FAM133B: variants seen among roughly 807,000 people sequenced by gnomAD.
The protein encoded by FAM133B is protein FAM133B.
A neutral mutation model predicts 46.4 loss-of-function variants in FAM133B; 25 were observed. The observed-to-expected ratio is 0.54, with a 90% CI of 0.39 to 0.75. The LOEUF is 0.75. Among genes scored for constraint, FAM133B ranks in the 30% least tolerant of loss-of-function variants. The pLI, the probability that FAM133B is intolerant of heterozygous loss-of-function variation, is 0.00. For missense variants in FAM133B, 205 were observed against 277.6 expected (o/e 0.74, Z 1.86); for synonymous variants, 75 against 86.0 (o/e 0.87, Z 0.71).
rs781555729 is a variant in FAM133B at position 92,590,309 on chromosome 7, A to C, written c.-18T>G. On this transcript the variant is annotated 5_prime_UTR_variant, in exon 1 of 11. Coordinates refer to ENST00000445716, the MANE Select transcript of FAM133B (RefSeq NM_152789.4). The stretch of plus-strand genomic sequence containing the variant: ...TTCCCCATGGTGCTGGATCGAGCGC[A>C]CAGTAGCACGCCGAGGGAAACCGGG... 1 of 1,613,756 alleles carries C rather than the reference A, an allele frequency of 6.2e-7. No homozygotes were observed. Among genetic ancestry groups the C allele is most frequent in the South Asian group, 1.1e-5 (1 of 91,076 alleles).
At position 92,565,868 on chromosome 7, in the gene FAM133B, T is replaced by C. The variant is rs1027320154; in HGVS notation, c.657+146A>G. On this transcript the variant is annotated intron_variant, in intron 10 of 10. Transcript: ENST00000445716. ...AACCATTTTGACTTTCTCCTACCCATTAAGTGAAGCTGCTGAACACACCAC... is the reference window on the plus strand; with the variant it reads ...AACCATTTTGACTTTCTCCTACCCACTAAGTGAAGCTGCTGAACACACCAC... 41 of 751,250 alleles carry C rather than the reference T, an allele frequency of 5.5e-5. No individual in the cohort carries two copies. In the African/African-American group the frequency reaches 7.1e-4, roughly 13 times the overall value. 46.5% of individuals were successfully genotyped at this position (751,250 alleles called of 1,614,324 possible). A position where few individuals can be genotyped will look rare whatever the true frequency, so the allele number is the denominator to read the frequency against.
At chr7:92,582,903 G>A (rs951445300) in intron 1 of FAM133B, among the ~76,000 whole-genome samples, 3 of 152,164 alleles carry the variant, frequency 2.0e-5, no homozygotes, top group African/African-American at 7.2e-5. Flanking sequence ...AAACGGTGTG[G>A]CCACTGTGGA....
intron 6 of FAM133B, 60 bp downstream of exon 6, chr7:92,577,595 C>T: frequency 7.3e-7 from 1 of 1,379,054 alleles, no homozygotes; most frequent in South Asian, 1.4e-5. Context: ...AATGGGTTTC[C>T]ACTTGACATT....
At position 92,565,262 on chromosome 7, in the gene FAM133B, T is replaced by C. The variant is rs537893804; in HGVS notation, c.657+752A>G. 5.3e-5 allele frequency among the ~76,000 whole-genome samples: 8 copies of C among 151,582 alleles called. No homozygotes were observed. In the South Asian group the frequency reaches 1.5e-3, roughly 28 times the overall value. ...GCTGCCCAGGTTCAAGCAATTCTCCTGCCTCAGCCTCCCGAATAGCTGGAT... is the reference window on the plus strand; with the variant it reads ...GCTGCCCAGGTTCAAGCAATTCTCCCGCCTCAGCCTCCCGAATAGCTGGAT... On this transcript the variant is annotated intron_variant, in intron 10 of 10. Coordinates refer to ENST00000445716, the MANE Select transcript of FAM133B (RefSeq NM_152789.4).
At chr7:92,586,491 A>G (rs1008249030) in intron 1 of FAM133B, among the ~76,000 whole-genome samples, 1 of 152,238 alleles carries the variant, frequency 6.6e-6, no homozygotes, top group African/African-American at 2.4e-5. Flanking sequence ...TTAAGCATTC[A>G]CTAAAATATA....
chr7:92,579,023 G>T, intron 3 of FAM133B: 1 of 277,364 alleles, frequency 3.6e-6, no homozygotes, highest in Non-Finnish European at 6.7e-6. Flanking sequence ...ATTACAAGAT[G>T]ATTCTTCTTC....
chr7:92,587,332 T>C (rs1022169744), intron 1 of FAM133B, among the ~76,000 whole-genome samples: 3 of 152,206 alleles, frequency 2.0e-5, no homozygotes, highest in Non-Finnish European at 2.9e-5. Flanking sequence ...AAATCAAGTG[T>C]TATGGCAAAA....
intron 1 of FAM133B, among the ~76,000 whole-genome samples, chr7:92,588,455 T>C (rs1795095758): frequency 6.6e-6 from 1 of 152,210 alleles, no homozygotes; most frequent in South Asian, 2.1e-4. Flanking sequence ...TTATGCTACA[T>C]AATTTCAACG....
At chr7:92,584,399 T>C (rs889071785) in intron 1 of FAM133B, among the ~76,000 whole-genome samples, 3 of 152,210 alleles carry the variant, frequency 2.0e-5, no homozygotes, top group African/African-American at 4.8e-5. Flanking sequence ...TTATAACAGA[T>C]AAAAGTTATA....
chr7:92,583,652 A>G (rs781583869), intron 1 of FAM133B, among the ~76,000 whole-genome samples: 2 of 152,214 alleles, frequency 1.3e-5, no homozygotes, highest in Non-Finnish European at 2.9e-5. Flanking sequence ...TCGCATTGCT[A>G]CTGATATAAA....
intron 8 of FAM133B, among the ~76,000 whole-genome samples, chr7:92,572,447 C>G (rs1354659452): frequency 1.3e-5 from 2 of 152,162 alleles, no homozygotes; most frequent in African/African-American, 4.8e-5. Context: ...TGGCTGGGCG[C>G]GGTGGCTCAC....
At chr7:92,589,973 T>G (rs1172925637) in intron 1 of FAM133B, 2 of 505,960 alleles carry the variant, frequency 4.0e-6, no homozygotes, top group Admixed American at 3.4e-5. Flanking sequence ...CTCGCGGTTC[T>G]AAGTGGGCAC....
At chr7:92,566,329 A>G (rs965710670) in intron 9 of FAM133B, among the ~76,000 whole-genome samples, 12 of 152,154 alleles carry the variant, frequency 7.9e-5, no homozygotes, top group Non-Finnish European at 1.3e-4. Context: ...AGTGGAAAAA[A>G]ACATCAGCTT....
At chr7:92,572,835 G>A (rs982015281) in intron 8 of FAM133B, among the ~76,000 whole-genome samples, 2 of 152,142 alleles carry the variant, frequency 1.3e-5, no homozygotes, top group Non-Finnish European at 2.9e-5. Flanking sequence ...TTCATAAAAA[G>A]GAGAACGGAG....
At position 92,590,316 on chromosome 7, in the gene FAM133B, C is replaced by G. The variant is rs770299428; in HGVS notation, c.-25G>C. 9 of 1,613,752 alleles carry G rather than the reference C, an allele frequency of 5.6e-6. No individual in the cohort carries two copies. Among genetic ancestry groups the G allele is most frequent in the Middle Eastern group, 1.7e-4 (1 of 6,056 alleles). On this transcript the variant is annotated 5_prime_UTR_variant, in exon 1 of 11. Transcript: ENST00000445716. ...TGGTGCTGGATCGAGCGCACAGTAG[C>G]ACGCCGAGGGAAACCGGGCCGGAGA...
intron 1 of FAM133B, 191 bp from the exon 2 acceptor site, chr7:92,581,794 TTGTGTGTGTGTGTGTGTGTGTGTG>T (rs10578440): frequency 3.3e-6 from 1 of 306,426 alleles, no homozygotes; most frequent in Admixed American, 4.4e-5. Context: ...TGGGAGAAAA[TTGTGTGTGTGTGTGTGTGTGTGTG>T]TGTGTGTGTG....
chr7:92,563,331 C>G (rs931433585), intron 10 of FAM133B, among the ~76,000 whole-genome samples: 1 of 152,144 alleles, frequency 6.6e-6, no homozygotes, highest in African/African-American at 2.4e-5. Context: ...ATTACAGAGT[C>G]CAAAATCTTG....
Position 92,565,014 on chromosome 7 carries a change from G to A in FAM133B, c.657+1000C>T, listed in dbSNP as rs60857256. Among the ~76,000 whole-genome samples, 77 of 152,148 alleles carry A rather than the reference G, an allele frequency of 5.1e-4. 1 individual carries two copies. In the East Asian group the frequency reaches 0.015, roughly 29 times the overall value. On this transcript the variant is annotated intron_variant, in intron 10 of 10. Transcript: ENST00000445716. ...TTCATTGCAGCTAGTGCTTGGAGAG[G>A]CTTTTTCTGTTATTACCAGATTTGG...
At chr7:92,566,932 C>CG (rs1190175423) in intron 9 of FAM133B, among the ~76,000 whole-genome samples, 1 of 152,020 alleles carries the variant, frequency 6.6e-6, no homozygotes, top group Non-Finnish European at 1.5e-5. Flanking sequence ...AAACTGAGGC[C>CG]GGGGGCAGCG....
Sources: allele counts gnomAD v4.1 joint callset (sites outside exome capture counted in the v4.1 genomes callset), GRCh38; gene constraint gnomAD v4.1.1; transcripts MANE v1.5; gene names NCBI Gene and HGNC (gene_info 2026-07-23, HGNC 2026-07-21).